The following UNC13B variants were observed in gnomAD, a reference collection of about 807,000 sequenced individuals.
UNC13B encodes protein unc-13 homolog B.
Under a neutral mutation model 211.0 loss-of-function variants are expected in UNC13B, and 144 were observed. The ratio of observed to expected loss-of-function variants is 0.68; its 90% CI spans 0.60 to 0.78. The LOEUF (loss-of-function observed/expected upper bound fraction) is 0.78. Ranked by LOEUF, UNC13B falls within the 30% of genes least tolerant of loss-of-function variation. UNC13B has a pLI of 0.00. For missense variants in UNC13B, 1,777 were observed against 2,002.0 expected (o/e 0.89, Z 2.14); for synonymous variants, 709 against 725.8 (o/e 0.98, Z 0.37).
intron 1 of UNC13B, among the ~76,000 whole-genome samples, chr9:35,183,456 C>T (rs1468461551): frequency 7.7e-6 from 1 of 129,338 alleles, no homozygotes; most frequent in African/African-American, 2.9e-5. Context: ...GAGCCCCTCA[C>T]CTCCCAGGCA....
rs547808972 is a variant in UNC13B at position 35,274,888 on chromosome 9, A to AT, written c.526+15844dup. ...GTCCAGCTCCATAACTTTCCCAATCATTTTTTGTCATACTGTGAAATCATA... is the reference window on the plus strand; with the variant it reads ...GTCCAGCTCCATAACTTTCCCAATCATTTTTTTGTCATACTGTGAAATCATA... On this transcript the variant is annotated intron_variant, in intron 7 of 39. Coordinates refer to ENST00000635942, the MANE Select transcript of UNC13B (RefSeq NM_001371189.2). Among the ~76,000 whole-genome samples, 188 of 152,104 alleles carry AT rather than the reference A, an allele frequency of 1.2e-3. 11 individuals are homozygous for AT. In the South Asian group the frequency reaches 0.038, roughly 31 times the overall value.
chr9:35,235,204 A>T (rs1209045786), intron 3 of UNC13B, among the ~76,000 whole-genome samples: 1 of 151,882 alleles, frequency 6.6e-6, no homozygotes, highest in Non-Finnish European at 1.5e-5. Flanking sequence ...TTCTTTTCGA[A>T]TTTTTTCCCC....
intron 11 of UNC13B, among the ~76,000 whole-genome samples, chr9:35,316,814 T>A (rs2131889222): frequency 6.6e-6 from 1 of 152,262 alleles, no homozygotes; most frequent in East Asian, 1.9e-4. Flanking sequence ...TTTTCGGCTG[T>A]GACAGCTATG....
chr9:35,378,027 C>A (rs1161005129), intron 16 of UNC13B, among the ~76,000 whole-genome samples: 1 of 151,786 alleles, frequency 6.6e-6, no homozygotes, highest in African/African-American at 2.4e-5. Flanking sequence ...CAGTGGTTTG[C>A]TAACTGGGTG....
intron 7 of UNC13B, among the ~76,000 whole-genome samples, chr9:35,271,083 G>A (rs1313841673): frequency 6.8e-6 from 1 of 147,628 alleles, no homozygotes; most frequent in East Asian, 2.0e-4. Context: ...AGGTTTTAGT[G>A]AGCCGAGATT....
In UNC13B at chr9:35,302,709, T is replaced by C. The variant is rs1238972597; in HGVS notation, c.3305T>C (p.Ile1102Thr). 5 of 398,690 alleles carry C rather than the reference T, an allele frequency of 1.3e-5. No individual in the cohort carries two copies. The highest frequency in any genetic ancestry group is 1.1e-4 in the East Asian group (3 of 28,062). 24.7% of individuals were successfully genotyped at this position (398,690 alleles called of 1,614,324 possible). ...CCTTTAGGAGAAGATAAGAATCTTATACAAGCAGCATCTTCAGTAGCATCA... is the reference window on the plus strand; with the variant it reads ...CCTTTAGGAGAAGATAAGAATCTTACACAAGCAGCATCTTCAGTAGCATCA... ...SDPLGEDKNL[I>T]QAASSVASDS... is the part of the protein sequence containing the mutation. Residue 1102 changes from isoleucine (I) to threonine (T), a missense_variant, in exon 9 of 40, where the codon ATA becomes ACA. Transcript: ENST00000635942.
rs759406668 is a variant in UNC13B, at chr9:35,295,713, A to G, written c.544A>G (p.Ser182Gly). 3 of 1,614,116 alleles carry G rather than the reference A, an allele frequency of 1.9e-6. No homozygotes were observed. The highest frequency in any genetic ancestry group is 2.2e-5 in the East Asian group (1 of 44,884). Reference sequence around the variant, plus strand: ...TTCCATAGCTTTTGAAGACCCTGATAGTGCCGTCGATGACCGAGATAGTGA... The same window carrying G: ...TTCCATAGCTTTTGAAGACCCTGATGGTGCCGTCGATGACCGAGATAGTGA... The part of the protein sequence containing the change: ...AAQCSFEDPD[S>G]AVDDRDSDYR... The change falls in exon 8 of 40, where the codon AGT (serine) becomes GGT (glycine). Residue 182 changes from serine to glycine, a missense_variant. By Grantham distance (56) the Ser-to-Gly change is moderately conservative. Coordinates refer to ENST00000635942, the MANE Select transcript of UNC13B (RefSeq NM_001371189.2).
At chr9:35,180,011 A>G (rs1356258221) in intron 1 of UNC13B, among the ~76,000 whole-genome samples, 1 of 152,206 alleles carries the variant, frequency 6.6e-6, no homozygotes, top group Non-Finnish European at 1.5e-5. Flanking sequence ...GTTATTTCTG[A>G]TAAACAGTAA....
At chr9:35,340,078 C>T (rs959920337) in intron 11 of UNC13B, among the ~76,000 whole-genome samples, 1 of 152,202 alleles carries the variant, frequency 6.6e-6, no homozygotes, top group Non-Finnish European at 1.5e-5. Flanking sequence ...CCTTTTACCT[C>T]CTTCTCCTGG....
chr9:35,317,323 C>G (rs1321986600), intron 11 of UNC13B, among the ~76,000 whole-genome samples: 1 of 152,062 alleles, frequency 6.6e-6, no homozygotes, highest in Non-Finnish European at 1.5e-5. Context: ...ACCTCAGCCT[C>G]CCTTGTAGCT....
Position 35,290,290 on chromosome 9 carries a change from T to C in UNC13B, c.527-5406T>C, listed in dbSNP as rs542768715. 7.2e-4 allele frequency among the ~76,000 whole-genome samples: 110 copies of C among 151,918 alleles called. 1 individual carries two copies. The South Asian group carries it at 0.018, about 25-fold the overall frequency. On this transcript the variant is annotated intron_variant, in intron 7 of 39. Transcript: ENST00000635942. ...TTTATTACATATTGTTTTAAGCCCC[T>C]TTCTGATCTAGGTCTCTCTCAGAAC...
At chr9:35,336,705 C>T (rs996432580) in intron 11 of UNC13B, among the ~76,000 whole-genome samples, 8 of 152,146 alleles carry the variant, frequency 5.3e-5, no homozygotes, top group Non-Finnish European at 7.3e-5. Context: ...TTCATTAGGG[C>T]TCTGCCTTCA....
At position 35,209,936 on chromosome 9, in the gene UNC13B, C is replaced by T. The variant is rs540779115; in HGVS notation, c.23-18079C>T. Among the ~76,000 whole-genome samples the T allele has an allele frequency of 3.9e-5, 6 of 152,224 alleles. No homozygotes were observed. In the East Asian group the frequency reaches 5.8e-4, roughly 15 times the overall value. ...GTGCCTTACCCTTCTTTTAAGCACA[C>T]GGCAATAAGAACAGTTTTCTCAGCC... On this transcript the variant is annotated intron_variant, in intron 1 of 39. Coordinates refer to ENST00000635942, the MANE Select transcript of UNC13B (RefSeq NM_001371189.2).
Position 35,300,645 on chromosome 9 carries a change from A to T in UNC13B, c.1241A>T (p.Tyr414Phe), listed in dbSNP as rs138801460. ...ATTGGAGATTTTCCTGAGGAATATT[A>T]TGTAGCAAATTCAGCATTGCCATTA... Reference protein sequence around the residue: ...HHIGDFPEEYYVANSALPLQR... With the variant: ...HHIGDFPEEYFVANSALPLQR... Residue 414 changes from tyrosine (Y) to phenylalanine (F), a missense_variant, in exon 9 of 40, where the codon TAT becomes TTT. Tyr to Phe is a conservative substitution (Grantham distance 22). Transcript: ENST00000635942. 4.9e-4 allele frequency: 195 copies of T among 398,980 alleles called. No individual in the cohort carries two copies. In the East Asian group the frequency reaches 6.8e-3, roughly 14 times the overall value. 24.7% of individuals were successfully genotyped at this position (398,980 alleles called of 1,614,324 possible).
At chr9:35,370,689 A>G (rs753475786) in intron 13 of UNC13B, among the ~76,000 whole-genome samples, 5 of 152,226 alleles carry the variant, frequency 3.3e-5, no homozygotes, top group Non-Finnish European at 7.3e-5. Flanking sequence ...TCTTATAGGT[A>G]TCTCTACAGC....
chr9:35,200,491 T>C (rs185435435), intron 1 of UNC13B, among the ~76,000 whole-genome samples: 2 of 152,372 alleles, frequency 1.3e-5, no homozygotes, highest in Non-Finnish European at 2.9e-5. Context: ...TTCCATTGTT[T>C]GTGTCCTCTT....
intron 1 of UNC13B, among the ~76,000 whole-genome samples, chr9:35,171,261 C>T (rs1292912230): frequency 6.6e-6 from 1 of 151,992 alleles, no homozygotes; most frequent in Non-Finnish European, 1.5e-5. Context: ...GCCACCACGC[C>T]CAGCTAATTT....
At chr9:35,171,762 C>CAGTT (rs945188205) in intron 1 of UNC13B, among the ~76,000 whole-genome samples, 1 of 152,114 alleles carries the variant, frequency 6.6e-6, no homozygotes, top group African/African-American at 2.4e-5. Flanking sequence ...ATGTGTGTGG[C>CAGTT]AGTTAGTTCA....
chr9:35,282,426 G>T (rs189337922), intron 7 of UNC13B, among the ~76,000 whole-genome samples: 13 of 151,440 alleles, frequency 8.6e-5, no homozygotes, highest in Middle Eastern at 3.4e-3. Flanking sequence ...AATTTTTTTT[G>T]TTTGTTTTGT....
Sources: gnomAD v4.1 joint callset for allele counts (sites outside exome capture counted in the v4.1 genomes callset) on GRCh38, gnomAD v4.1.1 for gene constraint, MANE v1.5 for transcripts, NCBI Gene and HGNC (gene_info 2026-07-23, HGNC 2026-07-21) for gene names.